ADAMTS12: variants seen among roughly 807,000 people sequenced by gnomAD.
ADAMTS12 encodes A disintegrin and metalloproteinase with thrombospondin motifs 12.
A neutral mutation model predicts 167.8 loss-of-function variants in ADAMTS12; 118 were observed. The observed-to-expected ratio is 0.70, with a 90% CI of 0.61 to 0.82. The LOEUF (loss-of-function observed/expected upper bound fraction) is 0.82, where lower values mean the gene tolerates loss of function less well. Ranked by LOEUF, ADAMTS12 falls within the 40% of genes least tolerant of loss-of-function variation. ADAMTS12 has a pLI of 0.00. For missense variants in ADAMTS12, 1,916 were observed against 1,998.8 expected (o/e 0.96, Z 0.79); for synonymous variants, 704 against 716.9 (o/e 0.98, Z 0.29).
At chr5:33,637,176 CT>C (rs111377148) in intron 12 of ADAMTS12, among the ~76,000 whole-genome samples, 1 of 151,762 alleles carries the variant, frequency 6.6e-6, no homozygotes, top group Non-Finnish European at 1.5e-5. Context: ...CACTGGAAGC[CT>C]TTTTTTTGCA....
intron 17 of ADAMTS12, 31 bp downstream of exon 17, chr5:33,595,903 A>C (rs752412700): frequency 1.2e-6 from 2 of 1,613,282 alleles, no homozygotes; most frequent in South Asian, 2.2e-5. Context: ...GTAGGCAGAC[A>C]CACAGAGCTC....
At chr5:33,669,917 CAT>C (rs902055584) in intron 5 of ADAMTS12, among the ~76,000 whole-genome samples, 59 of 151,682 alleles carry the variant, frequency 3.9e-4, no homozygotes, top group African/African-American at 1.4e-3. Flanking sequence ...AGAAAAAAAA[CAT>C]AGAAAATCTT....
intron 5 of ADAMTS12, among the ~76,000 whole-genome samples, chr5:33,665,780 G>A (rs1373229097): frequency 6.6e-6 from 1 of 152,198 alleles, no homozygotes; most frequent in African/African-American, 2.4e-5. Context: ...AGAGGGTCCA[G>A]TGGTGGGCTG....
At chr5:33,756,587 G>C (rs962245684) in intron 2 of ADAMTS12, among the ~76,000 whole-genome samples, 2 of 152,064 alleles carry the variant, frequency 1.3e-5, no homozygotes, top group East Asian at 3.9e-4. Context: ...AGGACCACCG[G>C]GAAGATTTCA....
intron 3 of ADAMTS12, among the ~76,000 whole-genome samples, chr5:33,727,083 C>G: frequency 6.6e-6 from 1 of 152,166 alleles, no homozygotes; most frequent in East Asian, 1.9e-4. Flanking sequence ...CCTCTCACCT[C>G]TCCTGGAGGC....
At chr5:33,696,753 GAGA>G (rs1236192676) in intron 3 of ADAMTS12, among the ~76,000 whole-genome samples, 1 of 152,170 alleles carries the variant, frequency 6.6e-6, no homozygotes, top group Non-Finnish European at 1.5e-5. Context: ...TTTTTCAATA[GAGA>G]TATTTACTAA....
At chr5:33,823,068 G>A (rs1747919395) in intron 2 of ADAMTS12, among the ~76,000 whole-genome samples, 1 of 148,492 alleles carries the variant, frequency 6.7e-6, no homozygotes, top group African/African-American at 2.5e-5. Flanking sequence ...TCCAACCTGG[G>A]TGACAGAGGA....
At chr5:33,840,585 T>C (rs1037166219) in intron 2 of ADAMTS12, among the ~76,000 whole-genome samples, 2 of 152,228 alleles carry the variant, frequency 1.3e-5, no homozygotes, top group African/African-American at 4.8e-5. Flanking sequence ...AATAAAGAAG[T>C]AAGCACCTCT....
chr5:33,677,658 G>A lies in ADAMTS12; in HGVS notation c.915+5360C>T, dbSNP rs535033546. On this transcript the variant is annotated intron_variant, in intron 5 of 23. Coordinates refer to ENST00000504830, the MANE Select transcript of ADAMTS12 (RefSeq NM_030955.4). ...AATTTGGGCCATAAAATGAAAATCA[G>A]AGCTCAATTCAGGGATAGACAGGGA... is the stretch of plus-strand genomic sequence containing the variant. Among the ~76,000 whole-genome samples, 4 of 152,328 alleles carry A rather than the reference G, an allele frequency of 2.6e-5. No individual in the cohort carries two copies. The East Asian group carries it at 5.8e-4, about 22-fold the overall frequency.
chr5:33,548,306 T>A (rs1303003984), intron 21 of ADAMTS12, among the ~76,000 whole-genome samples: 2 of 152,238 alleles, frequency 1.3e-5, no homozygotes, highest in Non-Finnish European at 2.9e-5. Context: ...TGGTTGTGAA[T>A]GCCTTATGTT....
chr5:33,715,094 AATAAATTTAGAATGAG>A (rs1277105413), intron 3 of ADAMTS12, among the ~76,000 whole-genome samples: 6 of 152,114 alleles, frequency 3.9e-5, no homozygotes, highest in African/African-American at 7.2e-5. Flanking sequence ...TGTAACAATA[AATAAATTTAGAATGAG>A]TGATGATCCA....
chr5:33,637,695 C>T lies in ADAMTS12; in HGVS notation c.1770G>A (p.Leu590=), dbSNP rs1740260322. The T allele has an allele frequency of 6.2e-7, 1 of 1,613,706 alleles. No homozygotes were observed. Among genetic ancestry groups the T allele is most frequent in the East Asian group, 2.2e-5 (1 of 44,852 alleles). ...YCTGERKRYR[L]CNVHPCRSEA... ...CTGAGCGACAGGGGTGGACGTTGCA[C>T]AAGCGATAGCGTTTTCTTTCTCCAG... The change falls in exon 12 of 24, where the codon TTG becomes TTA. Residue 590 remains leucine, a synonymous_variant. Coordinates refer to ENST00000504830, the MANE Select transcript of ADAMTS12 (RefSeq NM_030955.4).
chr5:33,547,547 T>A (rs1022826602), intron 21 of ADAMTS12, among the ~76,000 whole-genome samples: 1 of 152,146 alleles, frequency 6.6e-6, no homozygotes, highest in African/African-American at 2.4e-5. Context: ...GGAAAGTACC[T>A]AAAGATGCCC....
At position 33,751,533 on chromosome 5, in the gene ADAMTS12, G is replaced by A; in HGVS notation, c.505C>T (p.Leu169=). The A allele has an allele frequency of 6.2e-7, 1 of 1,613,856 alleles. No individual in the cohort carries two copies. The highest frequency in any genetic ancestry group is 8.5e-7 in the Non-Finnish European group (1 of 1,179,918). Reference sequence around the variant, plus strand: ...TCAATGAAAAAGTCTCCATGTGGTAGTTGGAAAAATCCAGTCTGTAAATAC... The same window carrying A: ...TCAATGAAAAAGTCTCCATGTGGTAATTGGAAAAATCCAGTCTGTAAATAC... The part of the protein sequence containing the change: ...ACHGLTGFFQ[L]PHGDFFIEPV... Residue 169 remains leucine, a synonymous_variant, in exon 3 of 24, where the codon CTA becomes TTA. Coordinates refer to ENST00000504830, the MANE Select transcript of ADAMTS12 (RefSeq NM_030955.4).
chr5:33,548,296 T>C (rs2111826457), intron 21 of ADAMTS12, among the ~76,000 whole-genome samples: 2 of 152,364 alleles, frequency 1.3e-5, no homozygotes, highest in Middle Eastern at 6.8e-3. Context: ...CAAATCTTTC[T>C]GGTTGTGAAT....
intron 2 of ADAMTS12, among the ~76,000 whole-genome samples, chr5:33,772,530 A>G (rs921843723): frequency 6.6e-6 from 1 of 152,206 alleles, no homozygotes; most frequent in Admixed American, 6.5e-5. Flanking sequence ...ATTGAGCAAA[A>G]ATAATTCCAG....
rs1446017770 is a variant in ADAMTS12 at position 33,641,851 on chromosome 5, C to T, written c.1677G>A (p.Gly559=). ...GCCTCTCTGCGCTCTGGACTCCAGC[C>T]CCACAGGTCCTGGAACAGTGGGACC... The part of the protein sequence containing the change: ...SPWSHCSRTC[G]AGVQSAERLC... Residue 559 remains glycine (G), a synonymous_variant, in exon 11 of 24, where the codon GGG becomes GGA. Coordinates refer to ENST00000504830, the MANE Select transcript of ADAMTS12 (RefSeq NM_030955.4). 4 of 1,613,406 alleles carry T rather than the reference C, an allele frequency of 2.5e-6. No individual in the cohort carries two copies. Among genetic ancestry groups the T allele is most frequent in the South Asian group, 1.1e-5 (1 of 91,002 alleles).
chr5:33,535,282 T>A lies in ADAMTS12; in HGVS notation c.4447-290A>T, dbSNP rs114297553. On this transcript the variant is annotated intron_variant, in intron 22 of 23. Coordinates refer to ENST00000504830, the MANE Select transcript of ADAMTS12 (RefSeq NM_030955.4). ...GAATGGCCTGATGCCTTTCGCCACA[T>A]GGCTACAGCACTGGGCTCCAGGAAC... Among the ~76,000 whole-genome samples the A allele has an allele frequency of 2.9e-3, 444 of 152,312 alleles. 5 individuals carry two copies. Among genetic ancestry groups the A allele is most frequent in the African/African-American group, 0.01 (424 of 41,576 alleles).
chr5:33,734,303 T>C (rs1744292412), intron 3 of ADAMTS12, among the ~76,000 whole-genome samples: 1 of 152,160 alleles, frequency 6.6e-6, no homozygotes, highest in Non-Finnish European at 1.5e-5. Flanking sequence ...GCTGCCTAGG[T>C]CAGAGGTGAG....
Sources: gnomAD v4.1 joint callset for allele counts (sites outside exome capture counted in the v4.1 genomes callset) on GRCh38, gnomAD v4.1.1 for gene constraint, MANE v1.5 for transcripts, NCBI Gene and HGNC (gene_info 2026-07-23, HGNC 2026-07-21) for gene names.